Variants in SMG6 observed in about 807,000 individuals in gnomAD.
The protein encoded by SMG6 is SMG6 nonsense mediated mRNA decay factor.
In SMG6, 66 loss-of-function variants were observed where a neutral mutation model predicts 142.2. That is an observed-to-expected ratio of 0.46 (90% confidence interval 0.38 to 0.57). The LOEUF (loss-of-function observed/expected upper bound fraction) is 0.57, where lower values mean the gene tolerates loss of function less well. SMG6 is among the 20% of genes least tolerant of loss of function. The probability of loss-of-function intolerance (pLI) is 0.00; values close to 1 mark genes in which losing one functional copy is unlikely to be tolerated. For synonymous variants in SMG6, 779 were observed against 702.4 expected, an observed-to-expected ratio of 1.11 and a Z score of -1.72; for missense variants, 1,793 against 1,832.0, an observed-to-expected ratio of 0.98 and a Z score of 0.39.
At chr17:2,078,339 T>A (rs1597348279) in intron 15 of SMG6, among the ~76,000 whole-genome samples, 3 of 152,164 alleles carry the variant, frequency 2.0e-5, no homozygotes. Flanking sequence ...AGAGTGGAAT[T>A]TAAGATGATG....
intron 13 of SMG6, among the ~76,000 whole-genome samples, chr17:2,133,258 G>T (rs973840960): frequency 6.6e-6 from 1 of 152,054 alleles, no homozygotes; most frequent in Non-Finnish European, 1.5e-5. Flanking sequence ...GGAAAAAAAA[G>T]TTTAAAAACG....
At position 2,114,906 on chromosome 17, in the gene SMG6, A is replaced by AAAAATAAAAT. The variant is rs71375589; in HGVS notation, c.3358-29015_3358-29006dup. ...CGTGCCACTGCACTCCAGCCTGGGC[A>AAAAATAAAAT]AAAATAAAATAAAATAAAATAAAAT... On this transcript the variant is annotated intron_variant, in intron 13 of 18. Coordinates refer to ENST00000263073, the MANE Select transcript of SMG6 (RefSeq NM_017575.5). Among the ~76,000 whole-genome samples, 531 of 61,966 alleles carry AAAAATAAAAT rather than the reference A, an allele frequency of 8.6e-3. 39 individuals carry two copies. Among genetic ancestry groups the AAAAATAAAAT allele is most frequent in the African/African-American group, 0.043 (447 of 10,332 alleles). 40.7% of individuals were successfully genotyped at this position (61,966 alleles called of 152,430 possible).
intron 13 of SMG6, among the ~76,000 whole-genome samples, chr17:2,095,527 G>T (rs997026835): frequency 1.3e-5 from 2 of 152,182 alleles, no homozygotes; most frequent in Non-Finnish European, 2.9e-5. Context: ...AGACCCTGGG[G>T]ACTCATCACA....
intron 15 of SMG6, among the ~76,000 whole-genome samples, chr17:2,074,297 A>G (rs1169420075): frequency 6.6e-6 from 1 of 152,150 alleles, no homozygotes. Flanking sequence ...ATGTGGATGT[A>G]CATGAAAAAC....
chr17:2,186,926 G>A, intron 11 of SMG6, 95 bp from the exon 12 acceptor site: 5 of 1,349,208 alleles, frequency 3.7e-6, no homozygotes, highest in Non-Finnish European at 4.1e-6. Context: ...TTAGGGAAGG[G>A]AGACCAAGTC....
rs1366709648 is a variant in SMG6, at chr17:2,144,319, G to A, written c.3357+28339C>T. On this transcript the variant is annotated intron_variant, in intron 13 of 18. Coordinates refer to ENST00000263073, the MANE Select transcript of SMG6 (RefSeq NM_017575.5). ...TGACTTCAGGTGATCTGCCCGCCTCGGCCTCCCAACATGCTGCGGTTACAG... is the reference window on the plus strand; with the variant it reads ...TGACTTCAGGTGATCTGCCCGCCTCAGCCTCCCAACATGCTGCGGTTACAG... 5.9e-5 allele frequency among the ~76,000 whole-genome samples: 9 copies of A among 151,904 alleles called. No homozygotes were observed. The Middle Eastern group carries it at 0.017, about 287-fold the overall frequency.
rs113244584 is a variant in SMG6, at chr17:2,077,894, A to G, written c.3681+3916T>C. On this transcript the variant is annotated intron_variant, in intron 15 of 18. Coordinates refer to ENST00000263073, the MANE Select transcript of SMG6 (RefSeq NM_017575.5). ...AAAGTTAAATAATCTGCCCAATGTC[A>G]TATAACTAGTAAGGGTTCATGAGGG... Among the ~76,000 whole-genome samples the G allele has an allele frequency of 4.3e-3, 658 of 152,330 alleles. 6 individuals are homozygous for G. Among genetic ancestry groups the G allele is most frequent in the African/African-American group, 0.013 (555 of 41,566 alleles).
At chr17:2,214,938 T>C (rs771581994) in intron 10 of SMG6, among the ~76,000 whole-genome samples, 2 of 152,118 alleles carry the variant, frequency 1.3e-5, no homozygotes, top group Non-Finnish European at 2.9e-5. Flanking sequence ...GCATGCCACA[T>C]GTCTAGCCCT....
intron 13 of SMG6, among the ~76,000 whole-genome samples, chr17:2,145,643 CAAAAAAAAAAAA>C (rs61451940): frequency 1.7e-4 from 4 of 23,776 alleles, no homozygotes; most frequent in Non-Finnish European, 2.3e-4. Context: ...TCCATCTCCC[CAAAAAAAAAAAA>C]AAAAAAAAAA....
chr17:2,213,496 A>T (rs929966991), intron 10 of SMG6, among the ~76,000 whole-genome samples: 2 of 152,206 alleles, frequency 1.3e-5, no homozygotes, highest in African/African-American at 4.8e-5. Context: ...GCTGAGTTCC[A>T]GGCCATCATT....
rs2068023843 is a variant in SMG6, at chr17:2,068,959, A to G, written c.3682-28T>C. The stretch of plus-strand genomic sequence containing the variant: ...ATGGGGACAGAGTGGTGAATGAGCC[A>G]GACAGCGAGCAGGCAAGCAGGTGGG... On this transcript the variant is annotated intron_variant, in intron 15 of 18. Coordinates refer to ENST00000263073, the MANE Select transcript of SMG6 (RefSeq NM_017575.5). This position sits in a 1 kb window ranked among gnomAD's most constrained non-coding sequence, Gnocchi z 6.7. 6.2e-7 allele frequency: 1 copy of G among 1,610,468 alleles called. No individual in the cohort carries two copies. Among genetic ancestry groups the G allele is most frequent in the South Asian group, 1.1e-5 (1 of 90,812 alleles).
intron 13 of SMG6, among the ~76,000 whole-genome samples, chr17:2,171,365 G>A (rs1275684271): frequency 6.6e-6 from 1 of 150,838 alleles, no homozygotes; most frequent in Non-Finnish European, 1.5e-5. Context: ...GAGTGTGTGT[G>A]TGTGTGTGTG....
At chr17:2,280,012 T>C (rs578157431) in intron 8 of SMG6, among the ~76,000 whole-genome samples, 4 of 152,292 alleles carry the variant, frequency 2.6e-5, no homozygotes, top group African/African-American at 9.6e-5. Flanking sequence ...GACACACCTA[T>C]GTCTTCCTCA....
chr17:2,114,959 T>TAAAATAAAATAAAAAAAA (rs1491429098), intron 13 of SMG6, among the ~76,000 whole-genome samples: 3 of 73,254 alleles, frequency 4.1e-5, no homozygotes, highest in African/African-American at 6.8e-5. Flanking sequence ...AATAAAAAAA[T>TAAAATAAAATAAAAAAAA]GAAATGAAAT....
At position 2,299,801 on chromosome 17, in the gene SMG6, T is replaced by G; in HGVS notation, c.952A>C (p.Arg318=). 1.2e-6 allele frequency: 2 copies of G among 1,614,250 alleles called. No individual in the cohort carries two copies. The highest frequency in any genetic ancestry group is 1.7e-6 in the Non-Finnish European group (2 of 1,180,038). ...TGTCTCTTCCTTTCTGAACTTCTCC[T>G]GGGTCCTAATCCATCAGGCTCATCA... ...RIDEPDGLGP[R]RSSERKRHLE... Residue 318 remains arginine (R), a synonymous_variant, in exon 2 of 19, where the codon AGG becomes CGG. Coordinates refer to ENST00000263073, the MANE Select transcript of SMG6 (RefSeq NM_017575.5). This position sits in a 1 kb window ranked among gnomAD's most constrained non-coding sequence, Gnocchi z 4.3.
intron 10 of SMG6, among the ~76,000 whole-genome samples, chr17:2,223,904 T>C (rs1249379541): frequency 6.6e-6 from 1 of 151,792 alleles, no homozygotes; most frequent in Non-Finnish European, 1.5e-5. Flanking sequence ...ACACTGCTCA[T>C]GGGCATCACA....
At chr17:2,108,389 G>C (rs2069212523) in intron 13 of SMG6, among the ~76,000 whole-genome samples, 1 of 152,198 alleles carries the variant, frequency 6.6e-6, no homozygotes, top group Admixed American at 6.5e-5. Flanking sequence ...GGCCGAGGCG[G>C]GCGGGTAACT....
intron 13 of SMG6, among the ~76,000 whole-genome samples, chr17:2,129,539 A>G (rs986410827): frequency 6.6e-6 from 1 of 152,148 alleles, no homozygotes; most frequent in Admixed American, 6.5e-5. Context: ...CACACCTGTA[A>G]TCCCAGCACT....
At chr17:2,066,515 G>C (rs2067953922) in intron 16 of SMG6, among the ~76,000 whole-genome samples, 1 of 152,080 alleles carries the variant, frequency 6.6e-6, no homozygotes, top group African/African-American at 2.4e-5. Flanking sequence ...CTCTGGGAGA[G>C]TTTGGGGTCT....
Sources: gnomAD v4.1 joint callset for allele counts (sites outside exome capture counted in the v4.1 genomes callset) on GRCh38, gnomAD v4.1.1 for gene constraint, Gnocchi (gnomAD v3.1) non-coding constraint, MANE v1.5 for transcripts, NCBI Gene and HGNC (gene_info 2026-07-23, HGNC 2026-07-21) for gene names.